The following FIG4 variants were observed in gnomAD, a reference collection of about 807,000 sequenced individuals.
The protein encoded by FIG4 is FIG4 phosphoinositide 5-phosphatase.
Under a neutral mutation model 118.6 loss-of-function variants are expected in FIG4, and 112 were observed. That is an observed-to-expected ratio of 0.94 (90% CI 0.81 to 1.11). FIG4 has a LOEUF of 1.11. FIG4 is among the 50% of genes least tolerant of loss of function. FIG4 has a pLI of 0.00. For synonymous variants in FIG4, 369 were observed against 381.2 expected (o/e 0.97, Z 0.37); for missense variants, 969 against 1,111.7 (o/e 0.87, Z 1.83).
intron 22 of FIG4, among the ~76,000 whole-genome samples, chr6:109,822,236 G>A (rs1424551351): frequency 5.3e-5 from 8 of 152,074 alleles, no homozygotes; most frequent in Admixed American, 5.2e-4. Flanking sequence ...TTGTGATGGG[G>A]TTGGGGCACC....
chr6:109,792,737 T>A (rs1778172725), intron 21 of FIG4, 73 bp downstream of exon 21: 14 of 13,590 alleles, frequency 1.0e-3, no homozygotes, highest in Non-Finnish European at 1.8e-3. Context: ...CTACTATACC[T>A]TTTTTTTTTT....
intron 18 of FIG4, among the ~76,000 whole-genome samples, chr6:109,787,289 T>G (rs1014483592): frequency 2.6e-5 from 4 of 152,232 alleles, no homozygotes; most frequent in Non-Finnish European, 5.9e-5. Context: ...TTTCACATTT[T>G]CTTCAGATGT....
At chr6:109,781,385 G>A (rs1777797602) in intron 16 of FIG4, among the ~76,000 whole-genome samples, 2 of 152,024 alleles carry the variant, frequency 1.3e-5, no homozygotes, top group South Asian at 2.1e-4. Context: ...TCCAGCATTC[G>A]GAACAACACT....
intron 22 of FIG4, among the ~76,000 whole-genome samples, 187 bp downstream of exon 22, chr6:109,797,038 C>T (rs960609192): frequency 6.6e-6 from 1 of 152,106 alleles, no homozygotes; most frequent in Admixed American, 6.5e-5. Context: ...GGTTGGCAGC[C>T]CTAATGGTCC....
In FIG4 at chr6:109,789,609, G is replaced by T; in HGVS notation, c.2112G>T (p.Lys704Asn). The T allele has an allele frequency of 6.2e-7, 1 of 1,613,204 alleles. No homozygotes were observed. Among genetic ancestry groups the T allele is most frequent in the Non-Finnish European group, 8.5e-7 (1 of 1,179,314 alleles). Residue 704 changes from lysine (K) to asparagine (N), a missense_variant, in exon 19 of 23, where the codon AAG (lysine) becomes AAT (asparagine). By Grantham distance (94) the Lys-to-Asn change is moderately conservative. Coordinates refer to ENST00000230124, the MANE Select transcript of FIG4 (RefSeq NM_014845.6). ...CTTTCTTTAGTGACTTTATGCCTAA[G>T]ACCGTTGGAATTGATCCAAGTCCAT... ...MTSSARDFMP[K>N]TVGIDPSPFT...
At chr6:109,771,458 ATTCTTTT>A (rs1241188346) in intron 15 of FIG4, among the ~76,000 whole-genome samples, 1 of 112,866 alleles carries the variant, frequency 8.9e-6, no homozygotes, top group Non-Finnish European at 1.8e-5. Flanking sequence ...ACTTCCTCTA[ATTCTTTT>A]TTTTTTTTTT....
chr6:109,693,732 AG>A (rs1032684425), intron 1 of FIG4, among the ~76,000 whole-genome samples: 2 of 152,048 alleles, frequency 1.3e-5, no homozygotes, highest in African/African-American at 4.8e-5. Flanking sequence ...ATTCATGGCC[AG>A]GGGGGGTCTG....
In FIG4 at chr6:109,743,869, C is replaced by G. The variant is rs937297427; in HGVS notation, c.1137+97C>G. 8.0e-6 allele frequency: 7 copies of G among 870,186 alleles called. No homozygotes were observed. In the African/African-American group the frequency reaches 1.1e-4, roughly 14 times the overall value. 53.9% of individuals were successfully genotyped at this position (870,186 alleles called of 1,614,324 possible). A position where few individuals can be genotyped will look rare whatever the true frequency, so the allele number is the denominator to read the frequency against. ...GTTAACAAGCCATGCTTTCCCTCTTCCTAGTGGAGAGACGTGCAGATTATT... is the reference window on the plus strand; with the variant it reads ...GTTAACAAGCCATGCTTTCCCTCTTGCTAGTGGAGAGACGTGCAGATTATT... On this transcript the variant is annotated intron_variant, in intron 10 of 22. Transcript: ENST00000230124.
intron 1 of FIG4, 101 bp from the exon 2 acceptor site, chr6:109,714,977 C>T: frequency 3.1e-6 from 2 of 644,068 alleles, no homozygotes; most frequent in Admixed American, 2.8e-5. Context: ...AAAAAGTAAC[C>T]TGACTTTATT....
At chr6:109,752,340 T>C (rs1175560271) in intron 10 of FIG4, among the ~76,000 whole-genome samples, 1 of 151,258 alleles carries the variant, frequency 6.6e-6, no homozygotes, top group Non-Finnish European at 1.5e-5. Context: ...TTGTAGTCCT[T>C]TGGGTATATA....
intron 22 of FIG4, among the ~76,000 whole-genome samples, chr6:109,814,951 T>C (rs1412028950): frequency 6.6e-6 from 1 of 152,192 alleles, no homozygotes; most frequent in African/African-American, 2.4e-5. Context: ...CAAATTTATG[T>C]GTACATGTAC....
intron 1 of FIG4, among the ~76,000 whole-genome samples, chr6:109,695,278 A>G (rs186133880): frequency 6.6e-6 from 1 of 152,310 alleles, no homozygotes; most frequent in African/African-American, 2.4e-5. Context: ...TCTGTTAACT[A>G]AAGAAAAATG....
chr6:109,803,154 G>A (rs1031110195), intron 22 of FIG4, among the ~76,000 whole-genome samples: 1 of 152,134 alleles, frequency 6.6e-6, no homozygotes, highest in Non-Finnish European at 1.5e-5. Context: ...TAAAAGCTCT[G>A]TTCTAATCAG....
intron 22 of FIG4, among the ~76,000 whole-genome samples, chr6:109,804,791 A>G (rs576032210): frequency 1.3e-5 from 2 of 152,310 alleles, no homozygotes; most frequent in South Asian, 2.1e-4. Context: ...TTTTATGGGA[A>G]CAGAAAGTCC....
At chr6:109,778,072 C>T (rs1346064612) in intron 16 of FIG4, among the ~76,000 whole-genome samples, 1 of 152,106 alleles carries the variant, frequency 6.6e-6, no homozygotes, top group African/African-American at 2.4e-5. Context: ...GAAGTTAGAG[C>T]CTAGTCCATT....
At chr6:109,756,755 C>T (rs150698104) in intron 10 of FIG4, among the ~76,000 whole-genome samples, 4 of 152,320 alleles carry the variant, frequency 2.6e-5, no homozygotes, top group East Asian at 1.9e-4. Context: ...GCATTCTTGA[C>T]GTAGTTCTCA....
Position 109,741,501 on chromosome 6 carries a change from A to G in FIG4, c.833A>G (p.Lys278Arg), listed in dbSNP as rs1776323184. The G allele has an allele frequency of 1.9e-6, 3 of 1,613,262 alleles. No individual in the cohort carries two copies. The highest frequency in any genetic ancestry group is 2.2e-5 in the East Asian group (1 of 44,836). The part of the protein sequence containing the change: ...YVTLIARRSS[K>R]FAGTRFLKRG... ...ACTCTAATAGCTAGAAGATCCAGTA[A>G]ATTTGCTGGCACCCGTTTTCTTAAA... The change falls in exon 8 of 23, where the codon AAA becomes AGA. Residue 278 changes from lysine (K) to arginine (R), a missense_variant. Lys to Arg is a conservative substitution (Grantham distance 26). Around this residue, in one of 3 missense-constraint regions of FIG4, gnomAD observed 393 missense variants for 409.4 expected, o/e 0.96. Coordinates refer to ENST00000230124, the MANE Select transcript of FIG4 (RefSeq NM_014845.6).
intron 7 of FIG4, among the ~76,000 whole-genome samples, chr6:109,740,355 A>G (rs1264288502): frequency 6.6e-6 from 1 of 152,174 alleles, no homozygotes; most frequent in African/African-American, 2.4e-5. Context: ...TCAAGCGTTT[A>G]ATGAATTCTG....
chr6:109,764,174 C>T (rs1448292888), intron 13 of FIG4, among the ~76,000 whole-genome samples, 192 bp downstream of exon 13: 1 of 152,052 alleles, frequency 6.6e-6, no homozygotes, highest in South Asian at 2.1e-4. Flanking sequence ...CGCGGTGGCT[C>T]ATGCTTGTAA....
Sources: allele counts gnomAD v4.1 joint callset (sites outside exome capture counted in the v4.1 genomes callset), GRCh38; gene constraint gnomAD v4.1.1; regional missense constraint gnomAD v4.1.1; transcripts MANE v1.5; gene names NCBI Gene and HGNC (gene_info 2026-07-23, HGNC 2026-07-21).